PCSK2: variants seen among roughly 807,000 people sequenced by gnomAD.
PCSK2 encodes the protein proprotein convertase subtilisin/kexin type 2.
Under a neutral mutation model 69.7 loss-of-function variants are expected in PCSK2, and 14 were observed. That is an observed-to-expected ratio of 0.20 (90% confidence interval 0.13 to 0.31). The LOEUF (loss-of-function observed/expected upper bound fraction) is 0.31, where lower values mean the gene tolerates loss of function less well. PCSK2 is among the 10% of genes least tolerant of loss of function. PCSK2 has a pLI of 1.00. For missense variants in PCSK2, 544 were observed against 842.5 expected (o/e 0.65, Z 4.39); for synonymous variants, 307 against 320.7 (o/e 0.96, Z 0.46).
chr20:17,252,583 CAT>C (rs1474187821), intron 1 of PCSK2, among the ~76,000 whole-genome samples: 1 of 152,212 alleles, frequency 6.6e-6, no homozygotes, highest in African/African-American at 2.4e-5. Flanking sequence ...TGCCAAAGGT[CAT>C]AGCGCTGTTA....
Position 17,227,927 on chromosome 20 carries a change from T to G in PCSK2, c.177+445T>G, listed in dbSNP as rs540055946. Among the ~76,000 whole-genome samples the G allele has an allele frequency of 2.5e-4, 38 of 152,136 alleles. No homozygotes were observed. In the South Asian group the frequency reaches 7.9e-3, roughly 32 times the overall value. On this transcript the variant is annotated intron_variant, in intron 1 of 11. Coordinates refer to ENST00000262545, the MANE Select transcript of PCSK2 (RefSeq NM_002594.5). ...CAGACGAGGCTGGACGTTTGGACACTGCAATTCACCTCGGTGTTTCTCCCA... is the reference window on the plus strand; with the variant it reads ...CAGACGAGGCTGGACGTTTGGACACGGCAATTCACCTCGGTGTTTCTCCCA...
At chr20:17,287,932 A>G (rs1391495233) in intron 2 of PCSK2, among the ~76,000 whole-genome samples, 2 of 152,064 alleles carry the variant, frequency 1.3e-5, no homozygotes, top group East Asian at 3.9e-4. Context: ...ACCCTCCCCC[A>G]GCTCACCCTG....
chr20:17,382,038 AC>A (rs1454037365), intron 5 of PCSK2, among the ~76,000 whole-genome samples: 2 of 152,154 alleles, frequency 1.3e-5, no homozygotes, highest in Admixed American at 6.5e-5. Flanking sequence ...ATGATCCTAT[AC>A]TACATGGCAG....
intron 8 of PCSK2, among the ~76,000 whole-genome samples, chr20:17,442,270 G>C (rs753781001): frequency 1.3e-5 from 2 of 151,660 alleles, no homozygotes; most frequent in Non-Finnish European, 2.9e-5. Context: ...TCTGGAGACG[G>C]AAGTGTCAGC....
intron 1 of PCSK2, among the ~76,000 whole-genome samples, chr20:17,251,280 C>A (rs1443179166): frequency 6.6e-6 from 1 of 151,982 alleles, no homozygotes; most frequent in Non-Finnish European, 1.5e-5. Context: ...TTAATATTAT[C>A]CAGAGTATAT....
chr20:17,398,236 C>G (rs1254422091), intron 5 of PCSK2, among the ~76,000 whole-genome samples: 1 of 152,100 alleles, frequency 6.6e-6, no homozygotes, highest in Non-Finnish European at 1.5e-5. Flanking sequence ...ATAAAAGAAT[C>G]AGTGTGGGCT....
chr20:17,480,231 C>T (rs1410001904), intron 11 of PCSK2, among the ~76,000 whole-genome samples: 42 of 126,650 alleles, frequency 3.3e-4, no homozygotes, highest in Non-Finnish European at 6.3e-4. Context: ...GCTCTGTCAC[C>T]CAGGCTGGAG....
intron 11 of PCSK2, among the ~76,000 whole-genome samples, chr20:17,476,197 C>T (rs1036348243): frequency 6.6e-6 from 1 of 152,170 alleles, no homozygotes; most frequent in Non-Finnish European, 1.5e-5. Flanking sequence ...TTCCTAGAGC[C>T]TGTGAGCCGG....
At chr20:17,322,932 C>T (rs988686950) in intron 2 of PCSK2, among the ~76,000 whole-genome samples, 3 of 152,096 alleles carry the variant, frequency 2.0e-5, no homozygotes, top group Non-Finnish European at 4.4e-5. Context: ...GGCGTGATCT[C>T]GGCTTACTAC....
intron 2 of PCSK2, among the ~76,000 whole-genome samples, chr20:17,291,995 T>C (rs774027108): frequency 6.6e-6 from 1 of 152,296 alleles, no homozygotes; most frequent in East Asian, 1.9e-4. Flanking sequence ...TCCAAAAATA[T>C]CATTGCCCAC....
chr20:17,430,984 G>T (rs2032352775), intron 7 of PCSK2, among the ~76,000 whole-genome samples: 1 of 152,048 alleles, frequency 6.6e-6, no homozygotes, highest in Non-Finnish European at 1.5e-5. Flanking sequence ...CTTATTATTT[G>T]CACTCTGAAA....
intron 2 of PCSK2, among the ~76,000 whole-genome samples, chr20:17,354,250 G>A (rs1246764835): frequency 6.6e-6 from 1 of 152,144 alleles, no homozygotes; most frequent in African/African-American, 2.4e-5. Context: ...TTGTACAAAC[G>A]TGTAAGCCAA....
At chr20:17,434,795 C>T (rs1168525786) in intron 7 of PCSK2, among the ~76,000 whole-genome samples, 1 of 152,194 alleles carries the variant, frequency 6.6e-6, no homozygotes, top group East Asian at 1.9e-4. Context: ...AGTTCAAGAG[C>T]ATCTGAGCAA....
intron 5 of PCSK2, among the ~76,000 whole-genome samples, chr20:17,372,661 A>G (rs1369238830): frequency 6.6e-6 from 1 of 152,140 alleles, no homozygotes; most frequent in Non-Finnish European, 1.5e-5. Context: ...CTTGTATCAA[A>G]CACTTGGAAG....
chr20:17,454,611 T>C (rs931829044), intron 9 of PCSK2, among the ~76,000 whole-genome samples: 11 of 152,216 alleles, frequency 7.2e-5, no homozygotes, highest in Non-Finnish European at 1.5e-4. Flanking sequence ...CCCTGGGAAA[T>C]ACATCATCTG....
chr20:17,291,613 A>C (rs1988696178), intron 2 of PCSK2, among the ~76,000 whole-genome samples: 1 of 152,196 alleles, frequency 6.6e-6, no homozygotes, highest in African/African-American at 2.4e-5. Flanking sequence ...GATGGATGCT[A>C]CCAATTGTCC....
chr20:17,335,836 T>C (rs1394528146), intron 2 of PCSK2, among the ~76,000 whole-genome samples: 1 of 149,798 alleles, frequency 6.7e-6, no homozygotes, highest in East Asian at 2.0e-4. Flanking sequence ...TTTTCCTTTT[T>C]CTGGCTGAGT....
At chr20:17,463,024 A>T (rs971597643) in intron 10 of PCSK2, among the ~76,000 whole-genome samples, 1 of 152,230 alleles carries the variant, frequency 6.6e-6, no homozygotes, top group Non-Finnish European at 1.5e-5. Flanking sequence ...ATATGCAAAT[A>T]GCAGGTCAAA....
intron 2 of PCSK2, among the ~76,000 whole-genome samples, chr20:17,303,424 AT>A (rs1431919921): frequency 5.4e-5 from 6 of 110,720 alleles, no homozygotes; most frequent in African/African-American, 2.2e-4. Context: ...ATGGTTATAT[AT>A]TTTTAATATA....
Sources: gnomAD v4.1 joint callset for allele counts (sites outside exome capture counted in the v4.1 genomes callset) on GRCh38, gnomAD v4.1.1 for gene constraint, MANE v1.5 for transcripts, NCBI Gene and HGNC (gene_info 2026-07-23, HGNC 2026-07-21) for gene names.